FAM227B: variants seen among roughly 807,000 people sequenced by gnomAD.
FAM227B encodes family with sequence similarity 227 member B, also known as protein FAM227B.
FAM227B carries 88 observed loss-of-function variants against 73.8 expected under a neutral mutation model. The observed-to-expected ratio is 1.19, with a 90% CI of 1.00 to 1.42. The LOEUF (loss-of-function observed/expected upper bound fraction) is 1.42. Among genes scored for constraint, FAM227B ranks in the 40% most tolerant of loss-of-function variants. The probability of loss-of-function intolerance (pLI) is 0.00; values close to 1 mark genes in which losing one functional copy is unlikely to be tolerated. For missense variants in FAM227B, 632 were observed against 590.9 expected, an observed-to-expected ratio of 1.07 and a Z score of -0.72; for synonymous variants, 210 against 190.5, an observed-to-expected ratio of 1.10 and a Z score of -0.84.
chr15:49,483,242 ACT>A (rs1323555912), intron 11 of FAM227B: 1 of 1,556,888 alleles, frequency 6.4e-7, no homozygotes, highest in African/African-American at 1.4e-5. Flanking sequence ...AGGAAGGAAA[ACT>A]CTATGCAAAG....
At chr15:49,429,147 T>C (rs994968912) in intron 11 of FAM227B, among the ~76,000 whole-genome samples, 4 of 151,958 alleles carry the variant, frequency 2.6e-5, no homozygotes, top group Non-Finnish European at 5.9e-5. Flanking sequence ...AAAATAGCAA[T>C]GTAAGGACAA....
rs562209807 is a variant in FAM227B, at chr15:49,616,371, G to A, written c.-72-1128C>T. On this transcript the variant is annotated intron_variant, in intron 1 of 15. Transcript: ENST00000299338. ...CTAGAACTATGAAATAATAAACTTT[G>A]TGTTGTTTTAAGCCACTTTGCTTGT... Among the ~76,000 whole-genome samples the A allele has an allele frequency of 2.0e-5, 3 of 152,180 alleles. No homozygotes were observed. The South Asian group carries it at 6.2e-4, about 32-fold the overall frequency.
chr15:49,395,960 G>A (rs1596842243), intron 11 of FAM227B: 2 of 455,926 alleles, frequency 4.4e-6, no homozygotes, highest in Non-Finnish European at 8.8e-6. Context: ...AGAACAAAAT[G>A]TGGGTTAATC....
At chr15:49,490,947 T>A (rs2057038871) in intron 11 of FAM227B, among the ~76,000 whole-genome samples, 1 of 152,036 alleles carries the variant, frequency 6.6e-6, no homozygotes, top group Non-Finnish European at 1.5e-5. Flanking sequence ...TCTTTATATT[T>A]CTGATTTTCT....
intron 11 of FAM227B, chr15:49,487,592 G>A (rs1429001286): frequency 1.3e-5 from 2 of 151,812 alleles, no homozygotes; most frequent in Non-Finnish European, 2.9e-5. Flanking sequence ...AAAGATGTGC[G>A]AGGGGACCTA....
At chr15:49,540,709 A>G (rs1438160008) in intron 10 of FAM227B, among the ~76,000 whole-genome samples, 1 of 152,244 alleles carries the variant, frequency 6.6e-6, no homozygotes, top group South Asian at 2.1e-4. Context: ...TTACTTCAGC[A>G]TATGAATTTT....
intron 3 of FAM227B, among the ~76,000 whole-genome samples, chr15:49,599,055 G>A (rs1013113008): frequency 5.3e-5 from 8 of 152,060 alleles, no homozygotes; most frequent in African/African-American, 1.9e-4. Context: ...GGATTCATGA[G>A]TAAAGTTAAA....
chr15:49,597,165 T>A (rs1262039122), intron 3 of FAM227B, among the ~76,000 whole-genome samples: 1 of 152,004 alleles, frequency 6.6e-6, no homozygotes, highest in Non-Finnish European at 1.5e-5. Context: ...AAATGCAGAA[T>A]ATACATTCTA....
chr15:49,355,486 A>G (rs1434404313), intron 13 of FAM227B, among the ~76,000 whole-genome samples: 2 of 152,220 alleles, frequency 1.3e-5, no homozygotes, highest in Non-Finnish European at 2.9e-5. Flanking sequence ...AAGAAAGGGT[A>G]TCAGCGATGG....
At chr15:49,601,550 A>G (rs1014613971) in intron 3 of FAM227B, among the ~76,000 whole-genome samples, 3 of 152,128 alleles carry the variant, frequency 2.0e-5, no homozygotes, top group African/African-American at 7.2e-5. Flanking sequence ...GGTATATGAG[A>G]GGTTTTGATA....
At chr15:49,373,134 TA>T (rs1013863986) in intron 11 of FAM227B, among the ~76,000 whole-genome samples, 7 of 151,906 alleles carry the variant, frequency 4.6e-5, no homozygotes, top group Non-Finnish European at 8.8e-5. Flanking sequence ...CCAGTATCAT[TA>T]AAAAAATAAA....
chr15:49,346,264 CT>C (rs2041494483), intron 13 of FAM227B, among the ~76,000 whole-genome samples: 1 of 152,200 alleles, frequency 6.6e-6, no homozygotes, highest in African/African-American at 2.4e-5. Context: ...AACAAATGGC[CT>C]TTTGACCATG....
At chr15:49,391,211 A>G (rs2047193994) in intron 11 of FAM227B, among the ~76,000 whole-genome samples, 3 of 152,168 alleles carry the variant, frequency 2.0e-5, no homozygotes, top group Admixed American at 2.0e-4. Context: ...AGCCTAAATC[A>G]GCTATTTGCC....
At chr15:49,345,943 G>T (rs963261713) in intron 13 of FAM227B, among the ~76,000 whole-genome samples, 3 of 152,102 alleles carry the variant, frequency 2.0e-5, no homozygotes, top group Non-Finnish European at 2.9e-5. Context: ...ATGGCCCAGG[G>T]GCAAATTTCG....
chr15:49,389,024 C>T (rs1596781897), intron 11 of FAM227B, among the ~76,000 whole-genome samples: 1 of 151,988 alleles, frequency 6.6e-6, no homozygotes, highest in East Asian at 1.9e-4. Context: ...AAAAAGGGAA[C>T]ACTTATTCAC....
chr15:49,585,716 T>C (rs2076114834), intron 5 of FAM227B, among the ~76,000 whole-genome samples: 1 of 152,080 alleles, frequency 6.6e-6, no homozygotes, highest in Admixed American at 6.5e-5. Flanking sequence ...GGGGGAGGGA[T>C]AGCAGTAGGA....
rs371615506 is a variant in FAM227B at position 49,403,966 on chromosome 15, T to C, written c.1013-32567A>G. On this transcript the variant is annotated intron_variant, in intron 11 of 15. Transcript: ENST00000299338. Reference sequence around the variant, plus strand: ...AGATTCTGGTATGTTGCATCTTTGTTCTCATTAATTTCAAAGAACTTCTTA... The same window carrying C: ...AGATTCTGGTATGTTGCATCTTTGTCCTCATTAATTTCAAAGAACTTCTTA... Among the ~76,000 whole-genome samples the C allele has an allele frequency of 2.6e-5, 4 of 152,206 alleles. No homozygotes were observed. In the East Asian group the frequency reaches 5.8e-4, roughly 22 times the overall value.
intron 7 of FAM227B, 62 bp downstream of exon 7, chr15:49,576,679 G>A: frequency 2.1e-6 from 2 of 943,112 alleles, no homozygotes; most frequent in Non-Finnish European, 3.3e-6. Context: ...TTAAGTAAAG[G>A]TCTGATTCAT....
intron 11 of FAM227B, among the ~76,000 whole-genome samples, chr15:49,451,849 T>A (rs1267150631): frequency 6.6e-6 from 1 of 152,146 alleles, no homozygotes. Context: ...AGGAAAAAAC[T>A]AAGACCCACT....
Sources: gnomAD v4.1 joint callset for allele counts (sites outside exome capture counted in the v4.1 genomes callset) on GRCh38, gnomAD v4.1.1 for gene constraint, MANE v1.5 for transcripts, NCBI Gene and HGNC (gene_info 2026-07-23, HGNC 2026-07-21) for gene names.